The following COP1 variants were observed in gnomAD, a reference collection of about 807,000 sequenced individuals.
The protein encoded by COP1 is E3 ubiquitin-protein ligase COP1.
Under a neutral mutation model 101.3 loss-of-function variants are expected in COP1, and 24 were observed. The ratio of observed to expected loss-of-function variants is 0.24; its 90% CI spans 0.17 to 0.33. The LOEUF is 0.33. COP1 is among the 10% of genes least tolerant of loss of function. The probability of loss-of-function intolerance (pLI) is 1.00; values close to 1 mark genes in which losing one functional copy is unlikely to be tolerated. For missense variants in COP1, 663 were observed against 906.2 expected, an observed-to-expected ratio of 0.73 and a Z score of 3.45; for synonymous variants, 347 against 341.9, an observed-to-expected ratio of 1.01 and a Z score of -0.17.
At chr1:176,090,479 A>G (rs939079350) in intron 9 of COP1, among the ~76,000 whole-genome samples, 4 of 152,188 alleles carry the variant, frequency 2.6e-5, no homozygotes, top group African/African-American at 9.7e-5. Flanking sequence ...AACTCACAAG[A>G]AAGTAAGATA....
At chr1:176,186,000 T>A (rs1295498520) in intron 1 of COP1, among the ~76,000 whole-genome samples, 1 of 152,044 alleles carries the variant, frequency 6.6e-6, no homozygotes, top group East Asian at 1.9e-4. Flanking sequence ...ATAGATGATA[T>A]TACAACACAA....
At chr1:176,134,948 A>G in intron 8 of COP1, 62 bp downstream of exon 8, 1 of 1,235,382 alleles carries the variant, frequency 8.1e-7, no homozygotes. Flanking sequence ...CTCCTAAAGG[A>G]CTAGACCATA....
At chr1:176,175,473 T>A (rs557360293) in intron 3 of COP1, among the ~76,000 whole-genome samples, 1 of 152,202 alleles carries the variant, frequency 6.6e-6, no homozygotes, top group Admixed American at 6.5e-5. Context: ...CAGATTCTCA[T>A]AAGGAGCGTG....
At chr1:176,171,067 G>A (rs1220358149) in intron 3 of COP1, among the ~76,000 whole-genome samples, 2 of 146,744 alleles carry the variant, frequency 1.4e-5, no homozygotes, top group Non-Finnish European at 3.0e-5. Context: ...GGAGCTTGCA[G>A]GGAGCCGAGA....
chr1:176,206,563 CA>C lies in COP1; in HGVS notation c.407+8del. 6.2e-7 allele frequency: 1 copy of C among 1,604,654 alleles called. No individual in the cohort carries two copies. On this transcript the variant is annotated splice_region_variant and intron_variant, in intron 1 of 19. Coordinates refer to ENST00000367669, the MANE Select transcript of COP1 (RefSeq NM_022457.7). ...TTAGGGACAAGGAGGGAGTGCTCTT[CA>C]AACCCACCATACGAAGTCGTTGCTT...
At chr1:176,123,510 A>G (rs1056853024) in intron 8 of COP1, among the ~76,000 whole-genome samples, 1 of 152,148 alleles carries the variant, frequency 6.6e-6, no homozygotes, top group African/African-American at 2.4e-5. Flanking sequence ...ACCTGAAAGG[A>G]CAAAAAGCCA....
At chr1:176,064,072 A>G (rs1675463861) in intron 11 of COP1, among the ~76,000 whole-genome samples, 1 of 152,218 alleles carries the variant, frequency 6.6e-6, no homozygotes, top group Admixed American at 6.5e-5. Flanking sequence ...ACCAATTAAA[A>G]GTATAAAAAC....
Position 175,957,479 on chromosome 1 carries a change from G to A in COP1, c.2134-10240C>T, listed in dbSNP as rs1650801639. On this transcript the variant is annotated intron_variant, in intron 18 of 19. Transcript: ENST00000367669. ...TACCACATAGCTAAGGTATGTACTA[G>A]GCTATACCATCCAGGTTTGGGAAGT... Among the ~76,000 whole-genome samples the A allele has an allele frequency of 1.3e-5, 2 of 152,152 alleles. 1 individual carries two copies. The highest frequency in any genetic ancestry group is 4.1e-4 in the South Asian group (2 of 4,832).
chr1:176,035,449 G>A (rs1340249371), intron 14 of COP1, among the ~76,000 whole-genome samples: 1 of 151,628 alleles, frequency 6.6e-6, no homozygotes, highest in Non-Finnish European at 1.5e-5. Context: ...AATCCCAGAG[G>A]AGAGGAAAAA....
At chr1:175,947,311 C>T (rs2148475719) in intron 18 of COP1, 72 bp from the exon 19 acceptor site, 1 of 938,812 alleles carries the variant, frequency 1.1e-6, no homozygotes, top group South Asian at 1.3e-5. Flanking sequence ...ATAATTTCCT[C>T]TTCATCCTTC....
chr1:176,006,445 G>A (rs919799081), intron 15 of COP1, among the ~76,000 whole-genome samples: 5 of 152,142 alleles, frequency 3.3e-5, no homozygotes, highest in African/African-American at 9.7e-5. Flanking sequence ...TCCTAGCCTC[G>A]ATGGGCTTTA....
At chr1:176,154,302 G>A (rs1165386003) in intron 5 of COP1, among the ~76,000 whole-genome samples, 1 of 152,100 alleles carries the variant, frequency 6.6e-6, no homozygotes, top group East Asian at 1.9e-4. Context: ...ATACCCAAAG[G>A]AATACAAATC....
At chr1:176,043,298 A>C in intron 13 of COP1, 31 bp from the exon 14 acceptor site, 1 of 1,317,552 alleles carries the variant, frequency 7.6e-7, no homozygotes, top group Non-Finnish European at 1.1e-6. Flanking sequence ...GTAGCCTCAG[A>C]TAGAATACAG....
At chr1:176,136,389 G>T in intron 7 of COP1, 99 bp downstream of exon 7, 1 of 701,516 alleles carries the variant, frequency 1.4e-6, no homozygotes, top group South Asian at 2.1e-5. Context: ...TTCTTCCTAA[G>T]ACCAATCCCA....
At chr1:176,193,890 C>A (rs1273155012) in intron 1 of COP1, among the ~76,000 whole-genome samples, 1 of 152,036 alleles carries the variant, frequency 6.6e-6, no homozygotes, top group Non-Finnish European at 1.5e-5. Context: ...TGAAACACTG[C>A]CAACTGTACT....
intron 6 of COP1, among the ~76,000 whole-genome samples, chr1:176,141,294 A>G (rs1197630235): frequency 6.6e-6 from 1 of 152,180 alleles, no homozygotes. Flanking sequence ...CTAAGGTCAG[A>G]GTTCAAGACC....
intron 18 of COP1, among the ~76,000 whole-genome samples, chr1:175,972,332 C>G (rs1474860623): frequency 6.6e-6 from 1 of 152,018 alleles, no homozygotes; most frequent in Non-Finnish European, 1.5e-5. Flanking sequence ...AGAGGGAAAA[C>G]CAAGACGTAT....
chr1:176,065,560 A>T (rs1440343981), intron 11 of COP1, among the ~76,000 whole-genome samples: 2 of 152,194 alleles, frequency 1.3e-5, no homozygotes, highest in Non-Finnish European at 2.9e-5. Flanking sequence ...TGCCATAAAA[A>T]TTCTTTTGAG....
chr1:176,095,295 T>C (rs1682129091), intron 9 of COP1, among the ~76,000 whole-genome samples: 1 of 152,246 alleles, frequency 6.6e-6, no homozygotes, highest in Non-Finnish European at 1.5e-5. Context: ...GTTATCATAG[T>C]GTGATCCCCA....
Sources: gnomAD v4.1 joint callset for allele counts (sites outside exome capture counted in the v4.1 genomes callset) on GRCh38, gnomAD v4.1.1 for gene constraint, MANE v1.5 for transcripts, NCBI Gene and HGNC (gene_info 2026-07-23, HGNC 2026-07-21) for gene names.